UNC13C: variants seen among roughly 807,000 people sequenced by gnomAD.
UNC13C encodes unc-13 homolog C, also known as protein unc-13 homolog C.
In UNC13C, 174 loss-of-function variants were observed where a neutral mutation model predicts 245.4. That is an observed-to-expected ratio of 0.71 (90% CI 0.63 to 0.80). UNC13C has a LOEUF of 0.80. Among genes scored for constraint, UNC13C ranks in the 30% least tolerant of loss-of-function variants. The pLI is 0.00. For missense variants in UNC13C, 2,829 were observed against 2,602.9 expected (o/e 1.09, Z -1.89); for synonymous variants, 992 against 895.1 (o/e 1.11, Z -1.93).
rs1700189280 is a variant in UNC13C at position 54,143,784 on chromosome 15, C to G, written c.3071+100C>G. On this transcript the variant is annotated intron_variant, in intron 4 of 32. Coordinates refer to ENST00000260323, the MANE Select transcript of UNC13C (RefSeq NM_001080534.3). ...TGAGTGCAAGATGCTGCATGATTAG[C>G]TAGCCTCATTGTTACTTCATTTTAC... is the stretch of plus-strand genomic sequence containing the variant. 28 of 794,904 alleles carry G rather than the reference C, an allele frequency of 3.5e-5. 3 individuals carry two copies. In the South Asian group the frequency reaches 5.7e-4, roughly 16 times the overall value. The allele number at this position is 794,904 out of a possible 1,614,324, so 49.2% of individuals were successfully genotyped here. A position where few individuals can be genotyped will look rare whatever the true frequency, so the allele number is the denominator to read the frequency against.
the UNC13C span, among the ~76,000 whole-genome samples, chr15:53,839,084 C>T: frequency 6.6e-6 from 1 of 150,696 alleles, no homozygotes; most frequent in South Asian, 2.1e-4. Flanking sequence ...TGTGTTTCTC[C>T]TTTTTTTACA....
At chr15:54,500,277 C>T in intron 21 of UNC13C, 102 bp downstream of exon 21, 2 of 902,668 alleles carry the variant, frequency 2.2e-6, no homozygotes, top group Non-Finnish European at 3.4e-6. Context: ...TTAATTGTTT[C>T]CATTCCCCAG....
In UNC13C at chr15:54,143,003, C is replaced by T. The variant is rs1480453424; in HGVS notation, c.2984-15C>T. The T allele has an allele frequency of 6.8e-6, 11 of 1,610,876 alleles. No individual in the cohort carries two copies. In the Admixed American group the frequency reaches 1.5e-4, roughly 22 times the overall value. On this transcript the variant is annotated splice_polypyrimidine_tract_variant and intron_variant, in intron 2 of 32. Coordinates refer to ENST00000260323, the MANE Select transcript of UNC13C (RefSeq NM_001080534.3). Reference sequence around the variant, plus strand: ...CATCTAACATTTATCCCTTCTTTTCCTGATTCTCTTTCAGATAGCAGTTCT... The same window carrying T: ...CATCTAACATTTATCCCTTCTTTTCTTGATTCTCTTTCAGATAGCAGTTCT...
intron 23 of UNC13C, among the ~76,000 whole-genome samples, chr15:54,509,196 G>A (rs1894626213): frequency 6.6e-6 from 1 of 152,172 alleles, no homozygotes; most frequent in East Asian, 1.9e-4. Context: ...GTGAAACTCT[G>A]TCTCAAAAAC....
At chr15:54,580,883 A>G (rs1898168971) in intron 30 of UNC13C, among the ~76,000 whole-genome samples, 1 of 152,130 alleles carries the variant, frequency 6.6e-6, no homozygotes, top group African/African-American at 2.4e-5. Context: ...TGACACCTGA[A>G]TGATTCACAC....
At chr15:54,440,114 C>T (rs574735453) in intron 19 of UNC13C, among the ~76,000 whole-genome samples, 6 of 151,868 alleles carry the variant, frequency 4.0e-5, no homozygotes, top group South Asian at 2.1e-4. Context: ...TGATAGTGAG[C>T]GAGTTCTCAC....
intron 2 of UNC13C, chr15:54,050,180 C>T (rs893606529): frequency 8.4e-6 from 4 of 475,414 alleles, no homozygotes; most frequent in African/African-American, 4.0e-5. Flanking sequence ...CCATGTTGGC[C>T]AGGCTAGTTT....
At chr15:54,513,216 C>T (rs1325424766) in intron 24 of UNC13C, among the ~76,000 whole-genome samples, 2 of 152,020 alleles carry the variant, frequency 1.3e-5, no homozygotes, top group East Asian at 3.9e-4. Flanking sequence ...GTCCACTTAG[C>T]ATTTAGAAAA....
At chr15:53,891,193 TG>T in the UNC13C span, among the ~76,000 whole-genome samples, 1 of 152,334 alleles carries the variant, frequency 6.6e-6, no homozygotes, top group East Asian at 1.9e-4. Context: ...TTCTTAATCC[TG>T]GGTTCTAATT....
chr15:54,580,672 C>T (rs1428318461), intron 30 of UNC13C, among the ~76,000 whole-genome samples: 5 of 152,134 alleles, frequency 3.3e-5, no homozygotes, highest in African/African-American at 1.2e-4. Flanking sequence ...CATAGAAATC[C>T]CCATAAATGT....
intron 1 of UNC13C, among the ~76,000 whole-genome samples, chr15:53,985,568 C>T (rs1012766275): frequency 6.6e-6 from 1 of 151,976 alleles, no homozygotes; most frequent in Non-Finnish European, 1.5e-5. Context: ...TATTCTTACT[C>T]TTCAGGCTCC....
intron 19 of UNC13C, among the ~76,000 whole-genome samples, chr15:54,473,528 C>T (rs1324551011): frequency 6.6e-6 from 1 of 151,784 alleles, no homozygotes; most frequent in Non-Finnish European, 1.5e-5. Flanking sequence ...TTCTCAGCCT[C>T]TTATAACTAT....
At chr15:54,426,039 C>T (rs941812009) in intron 19 of UNC13C, among the ~76,000 whole-genome samples, 3 of 151,688 alleles carry the variant, frequency 2.0e-5, no homozygotes, top group African/African-American at 7.3e-5. Context: ...CAATGACTCT[C>T]CTGCCTCCCT....
intron 19 of UNC13C, among the ~76,000 whole-genome samples, chr15:54,465,263 G>T (rs984287633): frequency 6.6e-6 from 1 of 151,968 alleles, no homozygotes; most frequent in African/African-American, 2.4e-5. Context: ...ACAGTCAATC[G>T]ATCATCAAGA....
At chr15:54,353,308 A>T in intron 17 of UNC13C, among the ~76,000 whole-genome samples, 1 of 152,188 alleles carries the variant, frequency 6.6e-6, no homozygotes, top group Non-Finnish European at 1.5e-5. Flanking sequence ...CTAATCTGGG[A>T]TGTAGGGAAG....
chr15:54,079,576 A>G (rs558160412), intron 2 of UNC13C, among the ~76,000 whole-genome samples: 2 of 152,068 alleles, frequency 1.3e-5, no homozygotes, highest in South Asian at 2.1e-4. Flanking sequence ...TGTGGCTATT[A>G]TAAATGGGAT....
chr15:53,997,559 A>G (rs954216532), intron 1 of UNC13C, among the ~76,000 whole-genome samples: 1 of 152,158 alleles, frequency 6.6e-6, no homozygotes, highest in Non-Finnish European at 1.5e-5. Flanking sequence ...TTCTGTATGC[A>G]GAATTATCTA....
chr15:54,484,224 T>A (rs1348238864), intron 19 of UNC13C, among the ~76,000 whole-genome samples: 1 of 152,196 alleles, frequency 6.6e-6, no homozygotes, highest in Non-Finnish European at 1.5e-5. Context: ...TGGTCTTAGG[T>A]GCTCAAACAC....
At chr15:54,525,155 G>A (rs73421542) in intron 24 of UNC13C, among the ~76,000 whole-genome samples, 7,445 of 152,080 alleles carry the variant, frequency 0.049, 555 homozygotes, top group African/African-American at 0.17. Flanking sequence ...TTTATTTACA[G>A]GGATATTAAA....
Sources: allele counts gnomAD v4.1 joint callset (sites outside exome capture counted in the v4.1 genomes callset), GRCh38; gene constraint gnomAD v4.1.1; transcripts MANE v1.5; gene names NCBI Gene and HGNC (gene_info 2026-07-23, HGNC 2026-07-21).